Variants in PTBP1 observed in about 807,000 individuals in gnomAD.
PTBP1 encodes the protein polypyrimidine tract binding protein 1.
PTBP1 carries 8 observed loss-of-function variants against 59.8 expected under a neutral mutation model. The observed-to-expected ratio is 0.13, with a 90% CI of 0.08 to 0.24. The LOEUF (loss-of-function observed/expected upper bound fraction) is 0.24, where lower values mean the gene tolerates loss of function less well. Ranked by LOEUF, PTBP1 falls within the 10% of genes least tolerant of loss-of-function variation. The probability of loss-of-function intolerance (pLI) is 1.00; values close to 1 mark genes in which losing one functional copy is unlikely to be tolerated. For synonymous variants in PTBP1, 490 were observed against 320.7 expected, an observed-to-expected ratio of 1.53 and a Z score of -5.64; for missense variants, 686 against 767.0, an observed-to-expected ratio of 0.89 and a Z score of 1.25.
In PTBP1 at chr19:812,173, C is replaced by T. The variant is rs919075936; in HGVS notation, c.*1347C>T. On this transcript the variant is annotated 3_prime_UTR_variant, in exon 15 of 15. Coordinates refer to ENST00000356948, the MANE Select transcript of PTBP1 (RefSeq NM_002819.5). ...CCCACGCACATTCCGTTGCCTTACC[C>T]GATGGCTTGTGACGCGGAGAGAACC... 6.6e-6 allele frequency: 1 copy of T among 152,430 alleles called. No individual in the cohort carries two copies. Among genetic ancestry groups the T allele is most frequent in the East Asian group, 1.9e-4 (1 of 5,190 alleles). 9.4% of individuals were successfully genotyped at this position (152,430 alleles called of 1,614,324 possible). A position where few individuals can be genotyped will look rare whatever the true frequency, so the allele number is the denominator to read the frequency against.
intron 1 of PTBP1, among the ~76,000 whole-genome samples, chr19:799,017 C>T (rs1345465904): frequency 6.6e-6 from 1 of 152,258 alleles, no homozygotes; most frequent in East Asian, 1.9e-4. Flanking sequence ...TGTGAGTTTG[C>T]CAGTTTCAGC....
chr19:809,754 AGTG>A (rs2034766722), intron 13 of PTBP1, among the ~76,000 whole-genome samples: 1 of 152,078 alleles, frequency 6.6e-6, no homozygotes, highest in Non-Finnish European at 1.5e-5. Context: ...ATTAGCTAGG[AGTG>A]GTGGTGTGCA....
chr19:805,997 C>T (rs1386578373), intron 9 of PTBP1: 4 of 255,092 alleles, frequency 1.6e-5, no homozygotes, highest in South Asian at 5.9e-5. Context: ...GGGGCCCGGC[C>T]GCCCCAGTGC....
chr19:802,227 G>T (rs534090276), intron 2 of PTBP1, among the ~76,000 whole-genome samples: 1 of 152,200 alleles, frequency 6.6e-6, no homozygotes, highest in Non-Finnish European at 1.5e-5. Context: ...TGCCGTCCGC[G>T]TCGGGAGGAG....
chr19:806,458 T>TCGGCGGCGGCGG lies in PTBP1; in HGVS notation c.1023_1034dup (p.Ala346_Ala349dup), dbSNP rs571277518. The stretch of plus-strand genomic sequence containing the variant: ...CGCCCTGGCCCCCCTGGCCATCCCC[T>TCGGCGGCGGCGG]CGGCGGCGGCGGCAGCTGCGGCGGC... On this transcript the variant is annotated inframe_insertion, in exon 10 of 15. Coordinates refer to ENST00000356948, the MANE Select transcript of PTBP1 (RefSeq NM_002819.5). The TCGGCGGCGGCGG allele has an allele frequency of 6.3e-7, 1 of 1,598,070 alleles. No homozygotes were observed. Among genetic ancestry groups the TCGGCGGCGGCGG allele is most frequent in the Non-Finnish European group, 8.5e-7 (1 of 1,172,932 alleles).
chr19:808,912 G>A lies in PTBP1; in HGVS notation c.1463+150G>A. On this transcript the variant is annotated intron_variant, in intron 13 of 14. Coordinates refer to ENST00000356948, the MANE Select transcript of PTBP1 (RefSeq NM_002819.5). The surrounding 1 kb of genome is among the most constrained non-coding windows in gnomAD (Gnocchi z 4.7). Reference sequence around the variant, plus strand: ...AACCTGAAGTACTGCAAGGCCTGGAGCTTGAGCCGAGGGCTGCTCAAGGGA... The same window carrying A: ...AACCTGAAGTACTGCAAGGCCTGGAACTTGAGCCGAGGGCTGCTCAAGGGA... 2 of 754,344 alleles carry A rather than the reference G, an allele frequency of 2.7e-6. No homozygotes were observed. The highest frequency in any genetic ancestry group is 4.4e-6 in the Non-Finnish European group (2 of 459,544). 46.7% of individuals were successfully genotyped at this position (754,344 alleles called of 1,614,324 possible). A position where few individuals can be genotyped will look rare whatever the true frequency, so the allele number is the denominator to read the frequency against.
In PTBP1 at chr19:806,369, C is replaced by T. The variant is rs747609688; in HGVS notation, c.971-39C>T. ...GGCCTCTCCCACTCTGCGGTGGAGT[C>T]GGGGGCGCCGCCGCTCATCTCACCT... On this transcript the variant is annotated intron_variant, in intron 9 of 14. Transcript: ENST00000356948. 6.9e-5 allele frequency: 108 copies of T among 1,569,092 alleles called. No individual in the cohort carries two copies. In the Middle Eastern group the frequency reaches 8.6e-4, roughly 12 times the overall value.
In PTBP1 at chr19:808,856, C is replaced by T; in HGVS notation, c.1463+94C>T. 1.6e-6 allele frequency: 2 copies of T among 1,246,982 alleles called. No individual in the cohort carries two copies. Among genetic ancestry groups the T allele is most frequent in the Non-Finnish European group, 2.3e-6 (2 of 877,588 alleles). The allele number at this position is 1,246,982 out of a possible 1,614,324, so 77.2% of individuals were successfully genotyped here. A position where few individuals can be genotyped will look rare whatever the true frequency, so the allele number is the denominator to read the frequency against. On this transcript the variant is annotated intron_variant, in intron 13 of 14. Transcript: ENST00000356948. This position sits in a 1 kb window ranked among gnomAD's most constrained non-coding sequence, Gnocchi z 4.7. ...GTCGGTGTGTGGACTTCTGGCGTTT[C>T]CAGAGTGCAGGTCGGGCACCTCTTA...
intron 9 of PTBP1, 130 bp downstream of exon 9, chr19:805,699 G>A: frequency 1.3e-6 from 1 of 787,262 alleles, no homozygotes; most frequent in Non-Finnish European, 2.2e-6. Flanking sequence ...CCCTTCCCGG[G>A]AGAGGGGACG....
intron 10 of PTBP1, 78 bp downstream of exon 10, chr19:806,634 G>A (rs351977): frequency 2.2e-6 from 3 of 1,365,338 alleles, no homozygotes; most frequent in East Asian, 3.0e-5. Flanking sequence ...CTCGGGTCCC[G>A]GAGCAGCGCC....
At chr19:797,596 C>T (rs1424263203) in intron 1 of PTBP1, 91 bp downstream of exon 1, 6 of 926,802 alleles carry the variant, frequency 6.5e-6, no homozygotes, top group African/African-American at 5.3e-5. Flanking sequence ...GCCGATCTCG[C>T]CCCCTCTCGG....
rs2034840532 is a variant in PTBP1, at chr19:811,047, TCCCGG to T, written c.*225_*229del. The T allele has an allele frequency of 2.1e-6, 1 of 476,926 alleles. No individual in the cohort carries two copies. Among genetic ancestry groups the T allele is most frequent in the Admixed American group, 4.4e-5 (1 of 22,566 alleles). The allele number at this position is 476,926 out of a possible 1,614,324, so 29.5% of individuals were successfully genotyped here. On this transcript the variant is annotated 3_prime_UTR_variant, in exon 15 of 15. Transcript: ENST00000356948. The stretch of plus-strand genomic sequence containing the variant: ...TCTTGGTGACTGTGGCAGCGGGAGT[TCCCGG>T]CCCTCCACACCCGGGGCCAGACCCT...
intron 10 of PTBP1, 188 bp downstream of exon 10, chr19:806,744 T>A (rs998368261): frequency 3.1e-5 from 16 of 519,238 alleles, no homozygotes; most frequent in Non-Finnish European, 4.9e-5. Flanking sequence ...TTTTCCTGAA[T>A]TCACATCTTG....
chr19:800,385 G>A (rs569320131), intron 2 of PTBP1, among the ~76,000 whole-genome samples: 150 of 152,316 alleles, frequency 9.8e-4, no homozygotes, highest in Middle Eastern at 6.8e-3. Context: ...AGCATGTGAG[G>A]AAAGGGGGTC....
At chr19:805,994 G>C (rs2034546740) in intron 9 of PTBP1, 2 of 258,218 alleles carry the variant, frequency 7.7e-6, no homozygotes, top group Non-Finnish European at 1.5e-5. Flanking sequence ...ACCGGGGCCC[G>C]GCCGCCCCAG....
chr19:810,562 G>C lies in PTBP1; in HGVS notation c.1483G>C (p.Asp495His). 6.2e-7 allele frequency: 1 copy of C among 1,613,448 alleles called. No individual in the cohort carries two copies. Among genetic ancestry groups the C allele is most frequent in the East Asian group, 2.2e-5 (1 of 44,800 alleles). ...SNIPPSVSEE[D>H]LKVLFSSNGG... ...CCACAGGCCCTCAGTCTCCGAGGAG[G>C]ATCTCAAGGTCCTGTTTTCCAGCAA... The change falls in exon 14 of 15, where the codon GAT becomes CAT. Residue 495 changes from aspartate (D) to histidine (H), a missense_variant. Physicochemically the swap from Asp to His is moderately conservative, Grantham distance 81. Transcript: ENST00000356948.
chr19:807,976 T>C (rs1369487768), intron 11 of PTBP1, 74 bp downstream of exon 11: 15 of 1,413,006 alleles, frequency 1.1e-5, no homozygotes, highest in East Asian at 6.8e-5. Flanking sequence ...AGACGTATTA[T>C]GAGTTTGCGG....
chr19:806,212 C>A, intron 9 of PTBP1, 196 bp from the exon 10 acceptor site: 2 of 528,552 alleles, frequency 3.8e-6, no homozygotes, highest in Non-Finnish European at 6.4e-6. Flanking sequence ...TGAGGAGAGG[C>A]GGGCGCTGGT....
chr19:798,917 C>A (rs2034202400), intron 1 of PTBP1, among the ~76,000 whole-genome samples: 1 of 152,258 alleles, frequency 6.6e-6, no homozygotes, highest in Admixed American at 6.5e-5. Flanking sequence ...CGGCCGCCTC[C>A]TGCTCTCCTC....
Sources: allele counts gnomAD v4.1 joint callset (sites outside exome capture counted in the v4.1 genomes callset), GRCh38; gene constraint gnomAD v4.1.1; non-coding constraint Gnocchi (gnomAD v3.1); transcripts MANE v1.5; gene names NCBI Gene and HGNC (gene_info 2026-07-23, HGNC 2026-07-21).